The following INPPL1 variants were observed in gnomAD, a reference collection of about 807,000 sequenced individuals.
INPPL1 encodes the protein phosphatidylinositol 3,4,5-trisphosphate 5-phosphatase 2.
In INPPL1, 91 loss-of-function variants were observed where a neutral mutation model predicts 139.3. The ratio of observed to expected loss-of-function variants is 0.65; its 90% confidence interval spans 0.55 to 0.78. The LOEUF is 0.78. Ranked by LOEUF, INPPL1 falls within the 30% of genes least tolerant of loss-of-function variation. The pLI is 0.00. For synonymous variants in INPPL1, 719 were observed against 686.6 expected, an observed-to-expected ratio of 1.05 and a Z score of -0.74; for missense variants, 1,411 against 1,665.6, an observed-to-expected ratio of 0.85 and a Z score of 2.66.
Position 72,231,482 on chromosome 11 carries a change from T to C in INPPL1, c.1498-16T>C. On this transcript the variant is annotated splice_polypyrimidine_tract_variant and intron_variant, in intron 12 of 27. Coordinates refer to ENST00000298229, the MANE Select transcript of INPPL1 (RefSeq NM_001567.4). The stretch of plus-strand genomic sequence containing the variant: ...GGGTGCAGCAGGGCAGTGGTGACCA[T>C]GCACTCTCTACCCAGATTGCCATGC... 5.1e-6 allele frequency: 8 copies of C among 1,575,158 alleles called. No individual in the cohort carries two copies. The highest frequency in any genetic ancestry group is 7.0e-6 in the Non-Finnish European group (8 of 1,144,756).
At chr11:72,237,015 C>G in intron 25 of INPPL1, 109 bp from the exon 26 acceptor site, 1 of 951,940 alleles carries the variant, frequency 1.1e-6, no homozygotes, top group Non-Finnish European at 1.6e-6. Flanking sequence ...ATGAGAAAGT[C>G]TAGGACCAGG....
rs1169328913 is a variant in INPPL1 at position 72,237,348 on chromosome 11, G to A, written c.3104G>A (p.Gly1035Glu). The change falls in exon 26 of 28, where the codon GGA becomes GAA. Residue 1035 changes from glycine (G) to glutamate (E), a missense_variant. Gly to Glu is a moderately conservative substitution (Grantham distance 98, BLOSUM62 -2). Around this residue, in one of 5 missense-constraint regions of INPPL1, gnomAD observed 438 missense variants for 425.7 expected, o/e 1.03. Transcript: ENST00000298229. ...QLGHHRHPRVGEGSSSDEESG... is the reference protein window; with the variant it reads ...QLGHHRHPRVEEGSSSDEESG... ...GGGCACCACCGGCACCCTCGTGTGG[G>A]AGAGGGGAGTTCTTCAGATGAGGAG... is the stretch of plus-strand genomic sequence containing the variant. The A allele has an allele frequency of 6.2e-6, 10 of 1,614,044 alleles. No individual in the cohort carries two copies. The highest frequency in any genetic ancestry group is 8.5e-6 in the Non-Finnish European group (10 of 1,180,038).
chr11:72,231,249 A>G (rs1190905168), intron 12 of INPPL1, 60 bp downstream of exon 12: 3 of 1,499,544 alleles, frequency 2.0e-6, no homozygotes, highest in Non-Finnish European at 2.7e-6. Context: ...AAACTAGCCT[A>G]CTTGACTTCA....
chr11:72,235,149 C>T lies in INPPL1; in HGVS notation c.2449C>T (p.Gln817Ter). 1 of 1,613,960 alleles carries T rather than the reference C, an allele frequency of 6.2e-7. No individual in the cohort carries two copies. The highest frequency in any genetic ancestry group is 8.5e-7 in the Non-Finnish European group (1 of 1,179,994). ...KPILADIEYL[Q>*]DQHLLLTVKS... ...AATTCTGGCTGATATCGAGTACCTGCAGGACCAGCACCTCCTGCTCACAGT... is the reference window on the plus strand; with the variant it reads ...AATTCTGGCTGATATCGAGTACCTGTAGGACCAGCACCTCCTGCTCACAGT... The change falls in exon 22 of 28, where the codon CAG (glutamine) becomes TAG (stop). Residue 817 changes from glutamine (Q) to a stop codon, truncating the protein, a stop_gained. Transcript: ENST00000298229. LOFTEE classifies it high-confidence loss of function. The surrounding 1 kb of genome is among the most constrained non-coding windows in gnomAD (Gnocchi z 4.9).
rs1367652439 is a variant in INPPL1, at chr11:72,233,434, G to C, written c.2041-7G>C. Reference sequence around the variant, plus strand: ...AGCTCTAACCATGCTGCCATCCCCTGCCCCAGGTCCGGACCAATGTGCCCT... The same window carrying C: ...AGCTCTAACCATGCTGCCATCCCCTCCCCCAGGTCCGGACCAATGTGCCCT... On this transcript the variant is annotated splice_polypyrimidine_tract_variant and splice_region_variant and intron_variant, in intron 17 of 27. Coordinates refer to ENST00000298229, the MANE Select transcript of INPPL1 (RefSeq NM_001567.4). 1 of 1,613,706 alleles carries C rather than the reference G, an allele frequency of 6.2e-7. No homozygotes were observed. Among genetic ancestry groups the C allele is most frequent in the South Asian group, 1.1e-5 (1 of 91,078 alleles).
In INPPL1 at chr11:72,229,250, C is replaced by G; in HGVS notation, c.659+20C>G. On this transcript the variant is annotated intron_variant, in intron 5 of 27. Coordinates refer to ENST00000298229, the MANE Select transcript of INPPL1 (RefSeq NM_001567.4). ...GCACAGGTATCTGGGACATCCAGCC[C>G]CATGTATTACACCCTTACCTCTGAC... is the stretch of plus-strand genomic sequence containing the variant. 1 of 1,592,738 alleles carries G rather than the reference C, an allele frequency of 6.3e-7. No homozygotes were observed. The highest frequency in any genetic ancestry group is 8.6e-7 in the Non-Finnish European group (1 of 1,167,656).
Position 72,225,050 on chromosome 11 carries a change from C to T in INPPL1, c.66C>T (p.Tyr22=), listed in dbSNP as rs1267739859. 4.1e-6 allele frequency: 5 copies of T among 1,229,992 alleles called. No individual in the cohort carries two copies. The African/African-American group carries it at 4.7e-5, about 12-fold the overall frequency. The allele number at this position is 1,229,992 out of a possible 1,614,324, so 76.2% of individuals were successfully genotyped here. A position where few individuals can be genotyped will look rare whatever the true frequency, so the allele number is the denominator to read the frequency against. ...GALGSQAPSW[Y]HRDLSRAAAE... Reference sequence around the variant, plus strand: ...TGGGCAGCCAGGCCCCCTCCTGGTACCACCGCGACCTGAGCCGGGCGGCCG... The same window carrying T: ...TGGGCAGCCAGGCCCCCTCCTGGTATCACCGCGACCTGAGCCGGGCGGCCG... Residue 22 remains tyrosine, a synonymous_variant, in exon 1 of 28, where the codon TAC becomes TAT. Transcript: ENST00000298229.
chr11:72,233,004 G>C (rs1216691576), intron 16 of INPPL1, 30 bp downstream of exon 16: 1 of 1,611,788 alleles, frequency 6.2e-7, no homozygotes, highest in South Asian at 1.1e-5. Context: ...GTGGTGATCT[G>C]AGGGCTAGGA....
chr11:72,237,501 G>A lies in INPPL1; in HGVS notation c.3257G>A (p.Arg1086His), dbSNP rs138596491. 51 of 1,609,034 alleles carry A rather than the reference G, an allele frequency of 3.2e-5. No individual in the cohort carries two copies. The African/African-American group carries it at 5.2e-4, about 16-fold the overall frequency. ...VVRGRGGAEA[R>H]GPPPPKAHPR... ...CGGGGCCGTGGTGGGGCTGAGGCCC[G>A]TGGCCCACCACCTCCCAAGGCCCAT... The change falls in exon 26 of 28, where the codon CGT becomes CAT. Residue 1086 changes from arginine (R) to histidine (H), a missense_variant. Physicochemically the swap from Arg to His is conservative, Grantham distance 29. This residue lies in a region of INPPL1 where 438 missense variants were observed against 425.7 expected (regional missense o/e 1.03). Coordinates refer to ENST00000298229, the MANE Select transcript of INPPL1 (RefSeq NM_001567.4).
intron 1 of INPPL1, among the ~76,000 whole-genome samples, chr11:72,226,249 C>T (rs530420249): frequency 1.3e-5 from 2 of 148,664 alleles, no homozygotes; most frequent in Admixed American, 1.4e-4. Flanking sequence ...AGTGCAATCT[C>T]GGCTCACTGC....
intron 4 of INPPL1, 23 bp from the exon 5 acceptor site, chr11:72,229,067 G>A (rs1234292140): frequency 6.3e-7 from 1 of 1,589,296 alleles, no homozygotes; most frequent in Non-Finnish European, 8.6e-7. Context: ...GACCTCCACT[G>A]ACTTCTTAAC....
At position 72,229,655 on chromosome 11, in the gene INPPL1, C is replaced by T; in HGVS notation, c.754-8C>T. The T allele has an allele frequency of 1.9e-6, 3 of 1,613,266 alleles. No homozygotes were observed. The highest frequency in any genetic ancestry group is 8.5e-7 in the Non-Finnish European group (1 of 1,179,404). On this transcript the variant is annotated splice_region_variant and splice_polypyrimidine_tract_variant and intron_variant, in intron 6 of 27. Coordinates refer to ENST00000298229, the MANE Select transcript of INPPL1 (RefSeq NM_001567.4). ...CTCATGTACAAGCCTGGTTCTTCCT[C>T]CCCCCAGAACCTGCCACAGACAGGG... is the stretch of plus-strand genomic sequence containing the variant.
intron 12 of INPPL1, 105 bp downstream of exon 12, chr11:72,231,294 TTC>T: frequency 8.6e-7 from 1 of 1,156,538 alleles, no homozygotes; most frequent in East Asian, 2.3e-5. Context: ...CACTGGCTTT[TTC>T]TCTGGTCCCT....
Position 72,234,984 on chromosome 11 carries a change from T to C in INPPL1, c.2416-132T>C. The C allele has an allele frequency of 1.4e-6, 1 of 731,142 alleles. No homozygotes were observed. Among genetic ancestry groups the C allele is most frequent in the Non-Finnish European group, 2.3e-6 (1 of 429,284 alleles). 45.3% of individuals were successfully genotyped at this position (731,142 alleles called of 1,614,324 possible). A position where few individuals can be genotyped will look rare whatever the true frequency, so the allele number is the denominator to read the frequency against. On this transcript the variant is annotated intron_variant, in intron 21 of 27. Coordinates refer to ENST00000298229, the MANE Select transcript of INPPL1 (RefSeq NM_001567.4). The surrounding 1 kb of genome is among the most constrained non-coding windows in gnomAD (Gnocchi z 4.2). ...TTCTGCATTAAGGATTTGGCTCTTCTCTGAAGAGTTGAGTGTGAGTGAGCA... is the reference window on the plus strand; with the variant it reads ...TTCTGCATTAAGGATTTGGCTCTTCCCTGAAGAGTTGAGTGTGAGTGAGCA...
chr11:72,232,060 C>T (rs1212541865), intron 13 of INPPL1, among the ~76,000 whole-genome samples, 180 bp from the exon 14 acceptor site: 1 of 152,134 alleles, frequency 6.6e-6, no homozygotes, highest in Non-Finnish European at 1.5e-5. Flanking sequence ...ACCATGTGTG[C>T]CCAATGAGGA....
At position 72,224,848 on chromosome 11, in the gene INPPL1, G is replaced by C; in HGVS notation, c.-137G>C. On this transcript the variant is annotated 5_prime_UTR_variant, in exon 1 of 28. Coordinates refer to ENST00000298229, the MANE Select transcript of INPPL1 (RefSeq NM_001567.4). ...GGCGGCCTGCGCGGCGGAGTGCTGAGTCCCGATCCCCGGCTCTGTCCGGCC... is the reference window on the plus strand; with the variant it reads ...GGCGGCCTGCGCGGCGGAGTGCTGACTCCCGATCCCCGGCTCTGTCCGGCC... 1 of 505,702 alleles carries C rather than the reference G, an allele frequency of 2.0e-6. No individual in the cohort carries two copies. The highest frequency in any genetic ancestry group is 8.6e-5 in the South Asian group (1 of 11,680). 31.3% of individuals were successfully genotyped at this position (505,702 alleles called of 1,614,324 possible). A position where few individuals can be genotyped will look rare whatever the true frequency, so the allele number is the denominator to read the frequency against.
Position 72,236,144 on chromosome 11 carries a change from C to G in INPPL1, c.2879+158C>G, listed in dbSNP as rs543110232. On this transcript the variant is annotated intron_variant, in intron 25 of 27. Transcript: ENST00000298229. Reference sequence around the variant, plus strand: ...GCCATGGCCTTATGCCTGTGGCCAGCCAGGCCACCCTTAGCTGTGGCTCTG... The same window carrying G: ...GCCATGGCCTTATGCCTGTGGCCAGGCAGGCCACCCTTAGCTGTGGCTCTG... 6.6e-5 allele frequency among the ~76,000 whole-genome samples: 10 copies of G among 152,356 alleles called. No individual in the cohort carries two copies. In the East Asian group the frequency reaches 1.9e-3, roughly 29 times the overall value.
At chr11:72,238,241 C>G in intron 27 of INPPL1, 22 bp from the exon 28 acceptor site, 1 of 1,613,628 alleles carries the variant, frequency 6.2e-7, no homozygotes, top group Non-Finnish European at 8.5e-7. Context: ...CATCTCACTT[C>G]CCAGCCTGTT....
chr11:72,228,718 T>G lies in INPPL1; in HGVS notation c.398-9T>G. ...GCCCAAACGGCTGCCCACTGACCCC[T>G]GCCCACAGATGGGGAGGATGAGAAG... is the stretch of plus-strand genomic sequence containing the variant. On this transcript the variant is annotated splice_polypyrimidine_tract_variant and intron_variant, in intron 3 of 27. Transcript: ENST00000298229. The surrounding 1 kb of genome is among the most constrained non-coding windows in gnomAD (Gnocchi z 5.0). 1 of 1,608,082 alleles carries G rather than the reference T, an allele frequency of 6.2e-7. No homozygotes were observed. The highest frequency in any genetic ancestry group is 1.1e-5 in the South Asian group (1 of 90,356).
Sources: gnomAD v4.1 joint callset for allele counts (sites outside exome capture counted in the v4.1 genomes callset) on GRCh38, gnomAD v4.1.1 for gene constraint, gnomAD v4.1.1 regional missense constraint, Gnocchi (gnomAD v3.1) non-coding constraint, MANE v1.5 for transcripts, NCBI Gene and HGNC (gene_info 2026-07-23, HGNC 2026-07-21) for gene names.